TTC16: variants seen among roughly 807,000 people sequenced by gnomAD.
TTC16 encodes the protein tetratricopeptide repeat protein 16.
In TTC16, 66 loss-of-function variants were observed where a neutral mutation model predicts 80.4. The observed-to-expected ratio is 0.82, with a 90% CI of 0.67 to 1.01. TTC16 has a LOEUF of 1.01. TTC16 is among the 50% of genes least tolerant of loss of function. The pLI is 0.00. For synonymous variants in TTC16, 438 were observed against 451.3 expected (o/e 0.97, Z 0.37); for missense variants, 1,070 against 1,103.2 (o/e 0.97, Z 0.43).
chr9:127,730,620 G>A lies in TTC16; in HGVS notation c.1853-16G>A. Reference sequence around the variant, plus strand: ...TGCGGCAGGCCTGATGGGTGCTTTTGGCACCCCCTTCCTAGTCAGGACCAC... The same window carrying A: ...TGCGGCAGGCCTGATGGGTGCTTTTAGCACCCCCTTCCTAGTCAGGACCAC... On this transcript the variant is annotated splice_polypyrimidine_tract_variant and intron_variant, in intron 13 of 13. Transcript: ENST00000373289. 1.2e-6 allele frequency: 2 copies of A among 1,607,702 alleles called. No homozygotes were observed. Among genetic ancestry groups the A allele is most frequent in the Non-Finnish European group, 1.7e-6 (2 of 1,178,074 alleles).
At chr9:127,717,888 T>C (rs1588419407) in intron 4 of TTC16, 116 bp downstream of exon 4, 1 of 1,323,460 alleles carries the variant, frequency 7.6e-7, no homozygotes, top group East Asian at 2.4e-5. Flanking sequence ...TGTGTCTGGG[T>C]CCCCCCCGCT....
intron 6 of TTC16, among the ~76,000 whole-genome samples, chr9:127,720,900 TTCCTCCC>T (rs1279269166): frequency 1.7e-4 from 10 of 58,258 alleles, no homozygotes; most frequent in East Asian, 4.6e-4. Flanking sequence ...TCCCTCCTCC[TTCCTCCC>T]TCCTCCCTCC....
chr9:127,724,914 C>T lies in TTC16; in HGVS notation c.1259+17C>T. ...GAGGCGCAAGTGCGTGGGCTCCCGCCCCCACGGTGGGCGGGGCAGGCCCGA... is the reference window on the plus strand; with the variant it reads ...GAGGCGCAAGTGCGTGGGCTCCCGCTCCCACGGTGGGCGGGGCAGGCCCGA... On this transcript the variant is annotated intron_variant, in intron 9 of 13. Coordinates refer to ENST00000373289, the MANE Select transcript of TTC16 (RefSeq NM_144965.3). 6.7e-7 allele frequency: 1 copy of T among 1,493,524 alleles called. No individual in the cohort carries two copies. Among genetic ancestry groups the T allele is most frequent in the South Asian group, 1.3e-5 (1 of 75,904 alleles). The allele number at this position is 1,493,524 out of a possible 1,614,324, so 92.5% of individuals were successfully genotyped here.
Position 127,727,062 on chromosome 9 carries a change from G to A in TTC16, c.1518G>A (p.Glu506=), listed in dbSNP as rs143622202. 1.1e-5 allele frequency: 18 copies of A among 1,611,838 alleles called. No homozygotes were observed. The highest frequency in any genetic ancestry group is 1.4e-5 in the Non-Finnish European group (17 of 1,179,670). The change falls in exon 11 of 14, where the codon GAG becomes GAA. Residue 506 remains glutamate, a synonymous_variant. Transcript: ENST00000373289. ...QIAHLARLQL[E]QMVEGSLQAG... The stretch of plus-strand genomic sequence containing the variant: ...CCCACCTGGCCAGGCTGCAGCTGGA[G>A]CAGATGGTGGAGGGCAGCCTGCAGG...
rs34292919 is a variant in TTC16, at chr9:127,725,563, C to CA, written c.1260-653dup. ...TGGGTGACAGAGTGAGACTCCGTCT[C>CA]AAAAAAAAAAAAAAAAAAAAAAAGC... On this transcript the variant is annotated intron_variant, in intron 9 of 13. Transcript: ENST00000373289. 9.4e-3 allele frequency among the ~76,000 whole-genome samples: 535 copies of CA among 57,194 alleles called. 7 individuals carry two copies. The highest frequency in any genetic ancestry group is 0.012 in the South Asian group (11 of 934). 37.5% of individuals were successfully genotyped at this position (57,194 alleles called of 152,430 possible). A position where few individuals can be genotyped will look rare whatever the true frequency, so the allele number is the denominator to read the frequency against.
chr9:127,727,606 G>C (rs1419138591), intron 12 of TTC16, 141 bp downstream of exon 12: 2 of 1,415,702 alleles, frequency 1.4e-6, no homozygotes, highest in Non-Finnish European at 1.8e-6. Context: ...GATGGGCTGG[G>C]GACATCTTGC....
intron 6 of TTC16, among the ~76,000 whole-genome samples, chr9:127,721,619 GTC>G (rs1158748120): frequency 6.6e-6 from 1 of 152,134 alleles, no homozygotes; most frequent in Admixed American, 6.5e-5. Context: ...GGGGAGTGCA[GTC>G]CACCCTGGCA....
At chr9:127,724,435 G>A (rs777447678) in intron 8 of TTC16, 71 bp downstream of exon 8, 1 of 1,573,640 alleles carries the variant, frequency 6.4e-7, no homozygotes, top group East Asian at 2.3e-5. Flanking sequence ...CCCCCACTGG[G>A]CACTTGAGGC....
At chr9:127,720,900 T>TTCCTCCC (rs1279269166) in intron 6 of TTC16, among the ~76,000 whole-genome samples, 7 of 58,260 alleles carry the variant, frequency 1.2e-4, no homozygotes, top group Non-Finnish European at 1.9e-4. Flanking sequence ...TCCCTCCTCC[T>TTCCTCCC]TCCTCCCTCC....
At chr9:127,716,797 G>A (rs1257153381) in intron 1 of TTC16, 47 bp from the exon 2 acceptor site, 2 of 1,571,866 alleles carry the variant, frequency 1.3e-6, no homozygotes, top group South Asian at 1.1e-5. Flanking sequence ...TCAGTGGGTG[G>A]GGGTCGTCTC....
rs1843956272 is a variant in TTC16, at chr9:127,726,366, G to A, written c.1387G>A (p.Val463Met). Residue 463 changes from valine to methionine, a missense_variant, in exon 10 of 14, where the codon GTG becomes ATG. Coordinates refer to ENST00000373289, the MANE Select transcript of TTC16 (RefSeq NM_144965.3). ...LQNIFGARQD[V>M]ATVLLLNPKQ... ...GAACATTTTTGGGGCCCGCCAGGATGTGGCCACTGTCCTGCTCCTCAACCC... is the reference window on the plus strand; with the variant it reads ...GAACATTTTTGGGGCCCGCCAGGATATGGCCACTGTCCTGCTCCTCAACCC... 1.2e-6 allele frequency: 2 copies of A among 1,611,692 alleles called. No individual in the cohort carries two copies. Among genetic ancestry groups the A allele is most frequent in the Non-Finnish European group, 8.5e-7 (1 of 1,179,040 alleles).
chr9:127,725,563 C>CAAAAA (rs34292919), intron 9 of TTC16, among the ~76,000 whole-genome samples: 1 of 57,352 alleles, frequency 1.7e-5, no homozygotes. Flanking sequence ...GACTCCGTCT[C>CAAAAA]AAAAAAAAAA....
intron 6 of TTC16, 86 bp from the exon 7 acceptor site, chr9:127,723,033 T>C: frequency 7.2e-7 from 1 of 1,379,438 alleles, no homozygotes; most frequent in Non-Finnish European, 1.0e-6. Flanking sequence ...GGAGGCATGG[T>C]GTGATGCCAC....
chr9:127,717,030 T>C lies in TTC16; in HGVS notation c.191+14T>C, dbSNP rs755474628. 5 of 1,608,868 alleles carry C rather than the reference T, an allele frequency of 3.1e-6. No individual in the cohort carries two copies. In the South Asian group the frequency reaches 3.3e-5, roughly 11 times the overall value. ...AGTCAGGGAATAGTGAGTGACTACC[T>C]TGCTTTGGGGTCCCAGGTTCCTGCC... is the stretch of plus-strand genomic sequence containing the variant. On this transcript the variant is annotated intron_variant, in intron 2 of 13. Transcript: ENST00000373289.
chr9:127,716,181 G>T lies in TTC16; in HGVS notation c.18+18G>T, dbSNP rs770772691. 2 of 1,613,864 alleles carry T rather than the reference G, an allele frequency of 1.2e-6. No homozygotes were observed. Among genetic ancestry groups the T allele is most frequent in the East Asian group, 2.2e-5 (1 of 44,882 alleles). On this transcript the variant is annotated intron_variant, in intron 1 of 13. Transcript: ENST00000373289. The stretch of plus-strand genomic sequence containing the variant: ...CGGACGAGGTGCGGGCTTGGGAGAA[G>T]ACTAACGCAAAGGCAGAGGGCCAGG...
rs1254854796 is a variant in TTC16, at chr9:127,726,959, T to A, written c.1426-11T>A. The stretch of plus-strand genomic sequence containing the variant: ...CCCTCACCTGGCTCTGGTCACCCCC[T>A]TTCGTGGCAGCTGTCCCTGCTGATG... On this transcript the variant is annotated splice_polypyrimidine_tract_variant and intron_variant, in intron 10 of 13. Transcript: ENST00000373289. 1 of 1,613,200 alleles carries A rather than the reference T, an allele frequency of 6.2e-7. No homozygotes were observed. The highest frequency in any genetic ancestry group is 8.5e-7 in the Non-Finnish European group (1 of 1,179,984).
rs545533710 is a variant in TTC16, at chr9:127,730,643, C to G, written c.1860C>G (p.Thr620=). 53 of 1,612,138 alleles carry G rather than the reference C, an allele frequency of 3.3e-5. No homozygotes were observed. Among genetic ancestry groups the G allele is most frequent in the Non-Finnish European group, 4.3e-5 (51 of 1,179,854 alleles). The change falls in exon 14 of 14, where the codon ACC becomes ACG. Residue 620 remains threonine, a synonymous_variant. Coordinates refer to ENST00000373289, the MANE Select transcript of TTC16 (RefSeq NM_144965.3). ...TTGGCACCCCCTTCCTAGTCAGGAC[C>G]ACAGGCACCTCAGAGACTGAGATGT... ...TSSASSMSFR[T]TGTSETEMSA... is the part of the protein sequence containing the mutation.
At chr9:127,726,513 C>CATT in intron 10 of TTC16, 109 bp downstream of exon 10, 1 of 1,246,158 alleles carries the variant, frequency 8.0e-7, no homozygotes, top group Non-Finnish European at 1.1e-6. Context: ...TAAGGCCAGG[C>CATT]ATGGTGGGTC....
Position 127,731,504 on chromosome 9 carries a change from A to G in TTC16, c.*99A>G, listed in dbSNP as rs1459340611. 12 of 1,503,996 alleles carry G rather than the reference A, an allele frequency of 8.0e-6. No individual in the cohort carries two copies. Among genetic ancestry groups the G allele is most frequent in the Non-Finnish European group, 1.1e-5 (12 of 1,130,228 alleles). 93.2% of individuals were successfully genotyped at this position (1,503,996 alleles called of 1,614,324 possible). Reference sequence around the variant, plus strand: ...CCAGCTGCCTCCTTCCAGAGCAATTAAAAGTCTTAGCAACAGTCCTCTGGT... The same window carrying G: ...CCAGCTGCCTCCTTCCAGAGCAATTGAAAGTCTTAGCAACAGTCCTCTGGT... On this transcript the variant is annotated 3_prime_UTR_variant, in exon 14 of 14. Transcript: ENST00000373289.
Sources: allele counts gnomAD v4.1 joint callset (sites outside exome capture counted in the v4.1 genomes callset), GRCh38; gene constraint gnomAD v4.1.1; transcripts MANE v1.5; gene names NCBI Gene and HGNC (gene_info 2026-07-23, HGNC 2026-07-21).